The following ADGRF3 variants were observed in gnomAD, a reference collection of about 807,000 sequenced individuals.
The protein encoded by ADGRF3 is adhesion G protein-coupled receptor F3.
ADGRF3 carries 85 observed loss-of-function variants against 93.2 expected under a neutral mutation model. The observed-to-expected ratio is 0.91, with a 90% CI of 0.77 to 1.09. The LOEUF (loss-of-function observed/expected upper bound fraction) is 1.09. Ranked by LOEUF, ADGRF3 falls within the 50% of genes least tolerant of loss-of-function variation. The pLI is 0.00. For missense variants in ADGRF3, 1,125 were observed against 1,246.2 expected (o/e 0.90, Z 1.46); for synonymous variants, 534 against 532.5 (o/e 1.00, Z -0.04).
At chr2:26,323,607 C>T (rs1675275639) in intron 1 of ADGRF3, among the ~76,000 whole-genome samples, 1 of 151,374 alleles carries the variant, frequency 6.6e-6, no homozygotes, top group Non-Finnish European at 1.5e-5. Context: ...GACCTGGCCT[C>T]CATTACTTCT....
intron 1 of ADGRF3, among the ~76,000 whole-genome samples, chr2:26,341,867 A>C (rs552903183): frequency 6.6e-6 from 1 of 152,128 alleles, no homozygotes; most frequent in South Asian, 2.1e-4. Context: ...AGGTCAGGAG[A>C]TCGAGACCAT....
intron 1 of ADGRF3, among the ~76,000 whole-genome samples, chr2:26,322,587 A>G (rs1160357668): frequency 6.6e-6 from 1 of 152,198 alleles, no homozygotes; most frequent in East Asian, 1.9e-4. Flanking sequence ...GCATGTACAG[A>G]GATATCTAGA....
rs148640513 is a variant in ADGRF3 at position 26,314,596 on chromosome 2, T to C, written c.746A>G (p.Gln249Arg). The C allele has an allele frequency of 3.8e-5, 61 of 1,613,942 alleles. No homozygotes were observed. In the East Asian group the frequency reaches 1.4e-3, roughly 36 times the overall value. ...CTCATACAGGTTCCACTTGAAGCCC[T>C]GGGCCTCGAAGCAGCTCATGTACTC... is the stretch of plus-strand genomic sequence containing the variant. Reference protein sequence around the residue: ...AGEYMSCFEAQGFKWNLYEVV... With the variant: ...AGEYMSCFEARGFKWNLYEVV... The change falls in exon 6 of 14, where the codon CAG becomes CGG. Residue 249 changes from glutamine to arginine, a missense_variant. Gln to Arg is a conservative substitution (Grantham distance 43, BLOSUM62 1). Coordinates refer to ENST00000651242, the MANE Select transcript of ADGRF3 (RefSeq NM_001321971.2).
intron 1 of ADGRF3, 137 bp from the exon 2 acceptor site, chr2:26,317,699 AG>A: frequency 1.3e-6 from 1 of 787,140 alleles, no homozygotes. Flanking sequence ...CACATCAGGA[AG>A]GGAAAGCAGG....
chr2:26,314,767 G>A, intron 5 of ADGRF3, 144 bp from the exon 6 acceptor site: 1 of 683,546 alleles, frequency 1.5e-6, no homozygotes, highest in Non-Finnish European at 2.5e-6. Flanking sequence ...GTCCCAGGAT[G>A]GCCCCTTTGG....
chr2:26,330,938 G>A (rs1473526738), intron 1 of ADGRF3, among the ~76,000 whole-genome samples: 1 of 152,164 alleles, frequency 6.6e-6, no homozygotes, highest in Admixed American at 6.5e-5. Context: ...CACTCAGTGG[G>A]AGAGACAGGG....
intron 1 of ADGRF3, among the ~76,000 whole-genome samples, chr2:26,320,538 A>G (rs115842884): frequency 0.015 from 2,357 of 152,344 alleles, 60 homozygotes; most frequent in African/African-American, 0.053. Flanking sequence ...ATAAACATAT[A>G]CAAACCTCCA....
Position 26,315,610 on chromosome 2 carries a change from G to T in ADGRF3, c.630C>A (p.Ile210=), listed in dbSNP as rs754150099. 1.7e-5 allele frequency: 27 copies of T among 1,551,534 alleles called. No homozygotes were observed. Among genetic ancestry groups the T allele is most frequent in the Middle Eastern group, 3.3e-4 (2 of 5,984 alleles). Residue 210 remains isoleucine (I), a synonymous_variant, in exon 5 of 14, where the codon ATC becomes ATA. Coordinates refer to ENST00000651242, the MANE Select transcript of ADGRF3 (RefSeq NM_001321971.2). ...FLRHPGSPSP[I]LLQPGTQVSV... is the part of the protein sequence containing the mutation. ...ACACCTGTGTCCCTGGCTGCAGGAG[G>T]ATGGGACTGGGGCTCCCTGGGTGCC... is the stretch of plus-strand genomic sequence containing the variant.
At chr2:26,339,114 C>CAAAAAAAAAAAAAAAAAAAAAAAAAAAA (rs61584458) in intron 1 of ADGRF3, among the ~76,000 whole-genome samples, 1 of 39,664 alleles carries the variant, frequency 2.5e-5, no homozygotes, top group Non-Finnish European at 5.0e-5. Flanking sequence ...GACTCCGTCA[C>CAAAAAAAAAAAAAAAAAAAAAAAAAAAA]AAAAAAAAAA....
At chr2:26,309,274 G>A in intron 13 of ADGRF3, 167 bp from the exon 14 acceptor site, 9 of 1,564,010 alleles carry the variant, frequency 5.8e-6, no homozygotes, top group Non-Finnish European at 7.8e-6. Context: ...ACCAAGTCAA[G>A]GACTGGTGGT....
intron 4 of ADGRF3, 158 bp downstream of exon 4, chr2:26,316,117 G>T: frequency 1.4e-6 from 1 of 726,164 alleles, no homozygotes; most frequent in Non-Finnish European, 2.2e-6. Flanking sequence ...CCAAGCTCAG[G>T]GCCTGTGATC....
Position 26,311,669 on chromosome 2 carries a change from C to A in ADGRF3, c.1855G>T (p.Val619Phe). The change falls in exon 10 of 14, where the codon GTC becomes TTC. Residue 619 changes from valine (V) to phenylalanine (F), a missense_variant. Val to Phe is a conservative substitution (Grantham distance 50). Coordinates refer to ENST00000651242, the MANE Select transcript of ADGRF3 (RefSeq NM_001321971.2). ...CGGTCACCTGCCATGATGGAAATGA[C>A]AAGGACCAGGCCAGGAGTGGCATAG... is the stretch of plus-strand genomic sequence containing the variant. ...SLYATPGLVL[V>F]ISIMAGDRAF... is the part of the protein sequence containing the mutation. The A allele has an allele frequency of 6.2e-7, 1 of 1,613,436 alleles. No individual in the cohort carries two copies. The highest frequency in any genetic ancestry group is 8.5e-7 in the Non-Finnish European group (1 of 1,179,840).
At chr2:26,309,333 C>T (rs1463715292) in intron 13 of ADGRF3, 193 bp downstream of exon 13, 1 of 1,484,508 alleles carries the variant, frequency 6.7e-7, no homozygotes, top group African/African-American at 1.4e-5. Flanking sequence ...GCTATGCTTT[C>T]TGCTCTCTGA....
intron 1 of ADGRF3, among the ~76,000 whole-genome samples, chr2:26,333,113 G>C (rs1008231428): frequency 3.9e-5 from 6 of 152,002 alleles, no homozygotes; most frequent in African/African-American, 1.4e-4. Context: ...CACCTCCCTA[G>C]TACTTGTAAC....
chr2:26,312,969 T>C lies in ADGRF3; in HGVS notation c.1423A>G (p.Ile475Val). 1 of 1,613,350 alleles carries C rather than the reference T, an allele frequency of 6.2e-7. No individual in the cohort carries two copies. The highest frequency in any genetic ancestry group is 8.5e-7 in the Non-Finnish European group (1 of 1,179,648). The change falls in exon 9 of 14, where the codon ATA becomes GTA. Residue 475 changes from isoleucine to valine, a missense_variant. By Grantham distance (29) the Ile-to-Val change is conservative (BLOSUM62 3). Coordinates refer to ENST00000651242, the MANE Select transcript of ADGRF3 (RefSeq NM_001321971.2). ...YVAKVVAEAR[I>V]QLDRRALKNL... ...TTCAGGGCTCTGCGGTCAAGCTGTA[T>C]TCTGGCCTCTGCCACCACCTTGGCC... is the stretch of plus-strand genomic sequence containing the variant.
chr2:26,310,105 T>C lies in ADGRF3; in HGVS notation c.2875A>G (p.Ile959Val), dbSNP rs116732714. The change falls in exon 12 of 14, where the codon ATA becomes GTA. Residue 959 changes from isoleucine (I) to valine (V), a missense_variant and splice_region_variant. Physicochemically the swap from Ile to Val is conservative, Grantham distance 29 (BLOSUM62 3). Transcript: ENST00000651242. ...AAGCGTTTGCGCAAAGCTTCTTGTA[T>C]CTGCGGGAGAGGTAAATGCTCTGCT... ...LLFGCLMDRK[I>V]QEALRKRFCR... is the part of the protein sequence containing the mutation. 3.6e-3 allele frequency: 5,842 copies of C among 1,614,022 alleles called. 172 individuals carry two copies. The African/African-American group carries it at 0.068, about 19-fold the overall frequency.
chr2:26,337,431 G>T (rs1676117622), intron 1 of ADGRF3, among the ~76,000 whole-genome samples: 1 of 152,214 alleles, frequency 6.6e-6, no homozygotes, highest in African/African-American at 2.4e-5. Flanking sequence ...AGTGTGAAAT[G>T]ATTACCACAG....
At chr2:26,326,849 T>C (rs1265146177) in intron 1 of ADGRF3, among the ~76,000 whole-genome samples, 1 of 152,184 alleles carries the variant, frequency 6.6e-6, no homozygotes, top group Non-Finnish European at 1.5e-5. Flanking sequence ...CTTGGCTCAC[T>C]GCAACCTCCG....
In ADGRF3 at chr2:26,319,091, C is replaced by T. The variant is rs186860756; in HGVS notation, c.115-1529G>A. 1.7e-5 allele frequency: 26 copies of T among 1,528,424 alleles called. No homozygotes were observed. In the East Asian group the frequency reaches 6.2e-4, roughly 36 times the overall value. The allele number at this position is 1,528,424 out of a possible 1,614,324, so 94.7% of individuals were successfully genotyped here. On this transcript the variant is annotated intron_variant, in intron 1 of 13. Transcript: ENST00000651242. ...CCCTACAAGCCCACGATGCAAATTT[C>T]CGCAAGGAAGAGCTGGCAGGGCAGT... is the stretch of plus-strand genomic sequence containing the variant.
Sources: gnomAD v4.1 joint callset for allele counts (sites outside exome capture counted in the v4.1 genomes callset) on GRCh38, gnomAD v4.1.1 for gene constraint, MANE v1.5 for transcripts, NCBI Gene and HGNC (gene_info 2026-07-23, HGNC 2026-07-21) for gene names.